The following HADHA variants were observed in gnomAD, a reference collection of about 807,000 sequenced individuals.
The protein encoded by HADHA is trifunctional enzyme subunit alpha, mitochondrial.
HADHA carries 59 observed loss-of-function variants against 91.3 expected under a neutral mutation model. That is an observed-to-expected ratio of 0.65 (90% CI 0.52 to 0.80). HADHA has a LOEUF of 0.80. Among genes scored for constraint, HADHA ranks in the 30% least tolerant of loss-of-function variants. The pLI, the probability that HADHA is intolerant of heterozygous loss-of-function variation, is 0.00. For synonymous variants in HADHA, 320 were observed against 338.9 expected, an observed-to-expected ratio of 0.94 and a Z score of 0.61; for missense variants, 800 against 927.6, an observed-to-expected ratio of 0.86 and a Z score of 1.79.
At position 26,234,314 on chromosome 2, in the gene HADHA, A is replaced by G. The variant is rs1215122127; in HGVS notation, c.356T>C (p.Leu119Pro). 3.7e-6 allele frequency: 6 copies of G among 1,613,068 alleles called. No homozygotes were observed. The highest frequency in any genetic ancestry group is 1.3e-5 in the African/African-American group (1 of 74,918). The change falls in exon 5 of 20, where the codon CTA (leucine) becomes CCA (proline). Residue 119 changes from leucine (L) to proline (P), a missense_variant. By Grantham distance (98) the Leu-to-Pro change is moderately conservative. Transcript: ENST00000380649. Reference protein sequence around the residue: ...ACKTLQEVTQLSQEAQRIVEK... With the variant: ...ACKTLQEVTQPSQEAQRIVEK... The stretch of plus-strand genomic sequence containing the variant: ...AACTATTCTCTGTGCTTCTTGTGAT[A>G]GCTGTGTTACTTCTTGAAGGGTCTT...
At position 26,192,108 on chromosome 2, in the gene HADHA, G is replaced by T. The variant is rs535773361; in HGVS notation, c.2000+202C>A. Among the ~76,000 whole-genome samples, 3 of 152,278 alleles carry T rather than the reference G, an allele frequency of 2.0e-5. No individual in the cohort carries two copies. In the South Asian group the frequency reaches 6.2e-4, roughly 32 times the overall value. On this transcript the variant is annotated intron_variant, in intron 18 of 19. Transcript: ENST00000380649. Reference sequence around the variant, plus strand: ...TTGGAAAGCACCATGCCAGCATCAGGAGTGGTCCTCCTGTTCAGGTATGGT... The same window carrying T: ...TTGGAAAGCACCATGCCAGCATCAGTAGTGGTCCTCCTGTTCAGGTATGGT...
intron 11 of HADHA, among the ~76,000 whole-genome samples, chr2:26,206,653 A>G (rs989748703): frequency 8.5e-5 from 13 of 152,236 alleles, no homozygotes; most frequent in African/African-American, 2.9e-4. Flanking sequence ...TGCATACTGT[A>G]TAACATAGTA....
At chr2:26,244,269 G>T (rs144918580) in intron 1 of HADHA, among the ~76,000 whole-genome samples, 18 of 152,390 alleles carry the variant, frequency 1.2e-4, no homozygotes, top group African/African-American at 4.1e-4. Flanking sequence ...GAGACCCGCG[G>T]AAAGGTGACA....
chr2:26,202,304 C>T (rs1346106047), intron 12 of HADHA, among the ~76,000 whole-genome samples: 1 of 152,202 alleles, frequency 6.6e-6, no homozygotes, highest in East Asian at 1.9e-4. Flanking sequence ...AACAGGTTCT[C>T]TTAGATTCCG....
chr2:26,196,133 G>C (rs1669666682), intron 14 of HADHA, among the ~76,000 whole-genome samples: 1 of 152,064 alleles, frequency 6.6e-6, no homozygotes, highest in Non-Finnish European at 1.5e-5. Flanking sequence ...CCTATGAACT[G>C]GTCAGCCTAA....
rs1574622413 is a variant in HADHA at position 26,229,131 on chromosome 2, G to A, written c.676+1061C>T. Among the ~76,000 whole-genome samples, 1 of 152,050 alleles carries A rather than the reference G, an allele frequency of 6.6e-6. No individual in the cohort carries two copies. The highest frequency in any genetic ancestry group is 1.5e-5 in the Non-Finnish European group (1 of 68,006). ...TGAGGGAGGAGGATTACTTGAGCCCGGAGTTTGAGACTAGCCTGGAAAACA... is the reference window on the plus strand; with the variant it reads ...TGAGGGAGGAGGATTACTTGAGCCCAGAGTTTGAGACTAGCCTGGAAAACA... On this transcript the variant is annotated intron_variant, in intron 7 of 19. Transcript: ENST00000380649. This position sits in a 1 kb window ranked among gnomAD's most constrained non-coding sequence, Gnocchi z 4.3.
At position 26,229,746 on chromosome 2, in the gene HADHA, T is replaced by A. The variant is rs529933359; in HGVS notation, c.676+446A>T. Among the ~76,000 whole-genome samples, 1 of 152,334 alleles carries A rather than the reference T, an allele frequency of 6.6e-6. No homozygotes were observed. The highest frequency in any genetic ancestry group is 1.5e-5 in the Non-Finnish European group (1 of 68,018). ...AAATGATTTAGTATTAGCTATTTTA[T>A]AAAACTTCCTTCCTTAGAATAATGA... is the stretch of plus-strand genomic sequence containing the variant. On this transcript the variant is annotated intron_variant, in intron 7 of 19. Coordinates refer to ENST00000380649, the MANE Select transcript of HADHA (RefSeq NM_000182.5). This position sits in a 1 kb window ranked among gnomAD's most constrained non-coding sequence, Gnocchi z 4.3.
At chr2:26,233,945 G>T (rs781528170) in intron 5 of HADHA, among the ~76,000 whole-genome samples, 2 of 152,164 alleles carry the variant, frequency 1.3e-5, no homozygotes, top group African/African-American at 2.4e-5. Flanking sequence ...GCTGGGCATG[G>T]TGATGCACAC....
intron 4 of HADHA, among the ~76,000 whole-genome samples, chr2:26,236,380 C>G (rs62128450): frequency 0.13 from 14,754 of 110,900 alleles, 1,022 homozygotes; most frequent in Middle Eastern, 0.21. Context: ...TATATATACT[C>G]TGTGTGTGTG....
At chr2:26,241,991 T>A (rs980568536) in intron 1 of HADHA, among the ~76,000 whole-genome samples, 6 of 151,922 alleles carry the variant, frequency 3.9e-5, no homozygotes, top group Non-Finnish European at 7.4e-5. Context: ...AACCTCCACC[T>A]CCTGGGTTCA....
intron 7 of HADHA, among the ~76,000 whole-genome samples, chr2:26,225,567 T>C (rs1670467707): frequency 6.6e-6 from 1 of 152,164 alleles, no homozygotes; most frequent in East Asian, 1.9e-4. Context: ...ATGGAGTTTA[T>C]TCCAAGAAGC....
At chr2:26,212,167 G>C (rs529314891) in intron 10 of HADHA, 2 of 288,330 alleles carry the variant, frequency 6.9e-6, no homozygotes, top group African/African-American at 4.4e-5. Flanking sequence ...GCTCACTGCA[G>C]CCCTGACCTC....
chr2:26,239,232 C>G, intron 1 of HADHA, 89 bp from the exon 2 acceptor site: 2 of 915,594 alleles, frequency 2.2e-6, no homozygotes, highest in Non-Finnish European at 3.7e-6. Context: ...ACAATAATAA[C>G]AACAACAAAA....
chr2:26,235,775 C>T (rs1045490593), intron 4 of HADHA, among the ~76,000 whole-genome samples: 1 of 152,194 alleles, frequency 6.6e-6, no homozygotes, highest in African/African-American at 2.4e-5. Context: ...ATGGAATTGA[C>T]AACTTAACAT....
In HADHA at chr2:26,204,172, C is replaced by G; in HGVS notation, c.1110G>C (p.Gly370=). The change falls in exon 12 of 20, where the codon GGG becomes GGC. Residue 370 remains glycine, a synonymous_variant. Coordinates refer to ENST00000380649, the MANE Select transcript of HADHA (RefSeq NM_000182.5). ...CTTGGGCGATGCCTGCTCCCATCAG[C>G]CCTGCACCAAGAATAGCCAGATGCC... ...DVKHLAILGA[G]LMGAGIAQVS... 6.2e-7 allele frequency: 1 copy of G among 1,613,976 alleles called. No individual in the cohort carries two copies. The highest frequency in any genetic ancestry group is 8.5e-7 in the Non-Finnish European group (1 of 1,179,834).
intron 13 of HADHA, among the ~76,000 whole-genome samples, chr2:26,200,077 T>G (rs1669790813): frequency 1.3e-5 from 2 of 152,256 alleles, no homozygotes. Context: ...AGATCATGCC[T>G]GTGGAAGATT....
rs777518426 is a variant in HADHA, at chr2:26,195,244, A to G, written c.1480-12T>C. On this transcript the variant is annotated splice_polypyrimidine_tract_variant and intron_variant, in intron 14 of 19. Coordinates refer to ENST00000380649, the MANE Select transcript of HADHA (RefSeq NM_000182.5). ...TGCATGCCAATCACCTGGCAAGGGG[A>G]ACCAAAAGCCAACAGATCGGAGAAT... 5 of 1,610,766 alleles carry G rather than the reference A, an allele frequency of 3.1e-6. No individual in the cohort carries two copies. Among genetic ancestry groups the G allele is most frequent in the Non-Finnish European group, 4.2e-6 (5 of 1,177,012 alleles).
chr2:26,227,025 A>G (rs1670499080), intron 7 of HADHA, among the ~76,000 whole-genome samples: 1 of 152,218 alleles, frequency 6.6e-6, no homozygotes, highest in African/African-American at 2.4e-5. Flanking sequence ...CTGTGAGGAA[A>G]TATTTGCAAA....
intron 16 of HADHA, among the ~76,000 whole-genome samples, chr2:26,193,986 T>C (rs1479114767): frequency 6.6e-6 from 1 of 152,210 alleles, no homozygotes; most frequent in Non-Finnish European, 1.5e-5. Flanking sequence ...TACAGCACTT[T>C]AAGGACGTTT....
Sources: gnomAD v4.1 joint callset for allele counts (sites outside exome capture counted in the v4.1 genomes callset) on GRCh38, gnomAD v4.1.1 for gene constraint, Gnocchi (gnomAD v3.1) non-coding constraint, MANE v1.5 for transcripts, NCBI Gene and HGNC (gene_info 2026-07-23, HGNC 2026-07-21) for gene names.